Variants in PHTF2 observed in about 807,000 individuals in gnomAD.
PHTF2 encodes the protein protein PHTF2.
PHTF2 carries 60 observed loss-of-function variants against 101.2 expected under a neutral mutation model. The ratio of observed to expected loss-of-function variants is 0.59; its 90% confidence interval spans 0.48 to 0.73. The LOEUF is 0.73. PHTF2 is among the 30% of genes least tolerant of loss of function. The pLI is 0.00. For synonymous variants in PHTF2, 311 were observed against 307.3 expected (o/e 1.01, Z -0.13); for missense variants, 747 against 908.7 (o/e 0.82, Z 2.29).
chr7:77,825,512 A>C (rs1173051213), intron 1 of PHTF2, among the ~76,000 whole-genome samples: 3 of 152,232 alleles, frequency 2.0e-5, no homozygotes, highest in Non-Finnish European at 4.4e-5. Context: ...AAGCCCATGA[A>C]GGTAGGCTAG....
At chr7:77,815,247 G>C (rs543172730) in intron 1 of PHTF2, among the ~76,000 whole-genome samples, 1 of 152,238 alleles carries the variant, frequency 6.6e-6, no homozygotes, top group East Asian at 1.9e-4. Context: ...GGGAACCTCA[G>C]ATTTTTCTCT....
In PHTF2 at chr7:77,841,279, C is replaced by T. The variant is rs545984218; in HGVS notation, c.45+979C>T. Among the ~76,000 whole-genome samples, 7 of 151,560 alleles carry T rather than the reference C, an allele frequency of 4.6e-5. No homozygotes were observed. In the South Asian group the frequency reaches 6.3e-4, roughly 14 times the overall value. On this transcript the variant is annotated intron_variant, in intron 2 of 19. Transcript: ENST00000416283. Reference sequence around the variant, plus strand: ...ATATTTAGTAGAGACAGGGTTTCGCCGTGTTGGTCAGGCTGATCTTGAACT... The same window carrying T: ...ATATTTAGTAGAGACAGGGTTTCGCTGTGTTGGTCAGGCTGATCTTGAACT...
At chr7:77,935,938 G>A (rs1805087088) in intron 12 of PHTF2, among the ~76,000 whole-genome samples, 1 of 152,144 alleles carries the variant, frequency 6.6e-6, no homozygotes, top group African/African-American at 2.4e-5. Context: ...TTTTGGTACA[G>A]ATTATTTCTT....
intron 11 of PHTF2, chr7:77,924,185 A>G (rs2150923738): frequency 1.1e-6 from 1 of 917,762 alleles, no homozygotes; most frequent in East Asian, 1.2e-4. Flanking sequence ...GAAACAGAAG[A>G]TTTGTAGTGC....
chr7:77,935,425 C>T (rs1461108934), intron 12 of PHTF2, among the ~76,000 whole-genome samples: 1 of 152,024 alleles, frequency 6.6e-6, no homozygotes, highest in African/African-American at 2.4e-5. Flanking sequence ...CGGGGTTTCA[C>T]CGTGTTAGCC....
intron 2 of PHTF2, among the ~76,000 whole-genome samples, chr7:77,850,679 T>G (rs1796688709): frequency 6.6e-6 from 1 of 151,718 alleles, no homozygotes; most frequent in Non-Finnish European, 1.5e-5. Flanking sequence ...ATCTGTTTTC[T>G]TCCCAGAATG....
rs535001538 is a variant in PHTF2 at position 77,954,643 on chromosome 7, T to C, written c.2338-215T>C. Among the ~76,000 whole-genome samples the C allele has an allele frequency of 3.2e-3, 452 of 141,966 alleles. 10 individuals are homozygous for C. The highest frequency in any genetic ancestry group is 9.9e-3 in the African/African-American group (393 of 39,732). 93.1% of individuals were successfully genotyped at this position (141,966 alleles called of 152,430 possible). On this transcript the variant is annotated intron_variant, in intron 19 of 19. Transcript: ENST00000416283. ...ATATATATATATATATATATATATA[T>C]ATAGCCACTTCTCAAGAGAAAGCAA...
At chr7:77,839,483 C>T (rs1366575478) in intron 1 of PHTF2, among the ~76,000 whole-genome samples, 1 of 152,138 alleles carries the variant, frequency 6.6e-6, no homozygotes, top group African/African-American at 2.4e-5. Context: ...AGTTATAGAA[C>T]ATATCAGCAG....
intron 1 of PHTF2, among the ~76,000 whole-genome samples, chr7:77,814,808 C>G (rs112050379): frequency 0.015 from 2,326 of 152,174 alleles, 17 homozygotes; most frequent in Non-Finnish European, 0.022. Flanking sequence ...GGTGCGGTGG[C>G]TTAGGCCTGT....
intron 19 of PHTF2, 70 bp from the exon 19 acceptor site, chr7:77,954,788 T>C: frequency 2.5e-6 from 2 of 806,044 alleles, no homozygotes; most frequent in Non-Finnish European, 4.2e-6. Context: ...TTAAAAATGG[T>C]GTTATATGAT....
intron 1 of PHTF2, among the ~76,000 whole-genome samples, chr7:77,839,163 G>T (rs1584453625): frequency 6.6e-6 from 1 of 152,144 alleles, no homozygotes; most frequent in Admixed American, 6.5e-5. Flanking sequence ...TTACCCCCAG[G>T]ATTTCCCTGA....
chr7:77,823,773 G>T (rs1026906746), intron 1 of PHTF2, among the ~76,000 whole-genome samples: 1 of 152,170 alleles, frequency 6.6e-6, no homozygotes, highest in Admixed American at 6.5e-5. Flanking sequence ...TGGGGAGGGC[G>T]GGTAATTGAA....
intron 1 of PHTF2, among the ~76,000 whole-genome samples, chr7:77,822,153 G>GACT (rs1794342774): frequency 1.3e-5 from 2 of 152,336 alleles, no homozygotes; most frequent in South Asian, 4.1e-4. Context: ...GGGAGTGCCA[G>GACT]ACTGTTCCTC....
chr7:77,942,254 T>C (rs1805693938), intron 15 of PHTF2, among the ~76,000 whole-genome samples: 1 of 152,216 alleles, frequency 6.6e-6, no homozygotes, highest in Non-Finnish European at 1.5e-5. Flanking sequence ...CTTTCCCTTT[T>C]AGCACTCATC....
At chr7:77,829,377 T>C (rs1379179985) in intron 1 of PHTF2, among the ~76,000 whole-genome samples, 1 of 152,240 alleles carries the variant, frequency 6.6e-6, no homozygotes, top group Non-Finnish European at 1.5e-5. Flanking sequence ...ATATTCTTTT[T>C]ATGACTGGTA....
At chr7:77,917,626 T>C (rs1803055694) in intron 9 of PHTF2, among the ~76,000 whole-genome samples, 1 of 152,212 alleles carries the variant, frequency 6.6e-6, no homozygotes, top group Non-Finnish European at 1.5e-5. Context: ...GTTTACTTAT[T>C]CCATTAGTCA....
At position 77,915,044 on chromosome 7, in the gene PHTF2, T is replaced by TG. The variant is rs1349182289; in HGVS notation, c.776+4638dup. Among the ~76,000 whole-genome samples the TG allele has an allele frequency of 2.7e-5, 4 of 150,556 alleles. No homozygotes were observed. The East Asian group carries it at 7.9e-4, about 30-fold the overall frequency. ...CTTCTCCCTCAGCCTCCCGAGTAGCTGGGACTACAGGCACGCACCACCATG... is the reference window on the plus strand; with the variant it reads ...CTTCTCCCTCAGCCTCCCGAGTAGCTGGGGACTACAGGCACGCACCACCATG... On this transcript the variant is annotated intron_variant, in intron 9 of 19. Coordinates refer to ENST00000416283, the Ensembl canonical transcript of PHTF2.
At chr7:77,904,583 G>C (rs1562934105) in intron 7 of PHTF2, among the ~76,000 whole-genome samples, 2 of 152,194 alleles carry the variant, frequency 1.3e-5, no homozygotes, top group Non-Finnish European at 2.9e-5. Context: ...TCTCTGACTT[G>C]TAGATGTCCA....
chr7:77,807,470 G>A (rs972735847), intron 1 of PHTF2, among the ~76,000 whole-genome samples: 16 of 151,860 alleles, frequency 1.1e-4, no homozygotes, highest in African/African-American at 3.6e-4. Context: ...GCATCTTTTT[G>A]TGTGCTAGTT....
Sources: gnomAD v4.1 joint callset for allele counts (sites outside exome capture counted in the v4.1 genomes callset) on GRCh38, gnomAD v4.1.1 for gene constraint, MANE v1.5 for transcripts, NCBI Gene and HGNC (gene_info 2026-07-23, HGNC 2026-07-21) for gene names.